The following CNTN4 variants were observed in gnomAD, a reference collection of about 807,000 sequenced individuals.
CNTN4 encodes the protein contactin-4.
A neutral mutation model predicts 122.5 loss-of-function variants in CNTN4; 77 were observed. The ratio of observed to expected loss-of-function variants is 0.63; its 90% CI spans 0.52 to 0.76. The LOEUF (loss-of-function observed/expected upper bound fraction) is 0.76, where lower values mean the gene tolerates loss of function less well. Among genes scored for constraint, CNTN4 ranks in the 30% least tolerant of loss-of-function variants. The pLI, the probability that CNTN4 is intolerant of heterozygous loss-of-function variation, is 0.00. For synonymous variants in CNTN4, 512 were observed against 447.0 expected, an observed-to-expected ratio of 1.15 and a Z score of -1.83; for missense variants, 1,256 against 1,259.1, an observed-to-expected ratio of 1.00 and a Z score of 0.04.
At chr3:2,882,787 T>G (rs1399777949) in intron 8 of CNTN4, 2 of 208,824 alleles carry the variant, frequency 9.6e-6, no homozygotes, top group African/African-American at 4.7e-5. Flanking sequence ...TCTTACAAAT[T>G]TTTCTGCAGT....
chr3:2,180,497 A>C (rs1002822018), intron 2 of CNTN4, among the ~76,000 whole-genome samples: 1 of 152,034 alleles, frequency 6.6e-6, no homozygotes, highest in African/African-American at 2.4e-5. Flanking sequence ...TTGCTCATTG[A>C]TAGGTCTAGT....
chr3:2,812,304 A>T lies in CNTN4; in HGVS notation c.359-7182A>T, dbSNP rs192663818. On this transcript the variant is annotated intron_variant, in intron 6 of 24. Transcript: ENST00000418658. ...AAAAAGGTAGACAAATATCAATTTT[A>T]CTGTTGTATAGAAACAATATTTTTA... Among the ~76,000 whole-genome samples, 650 of 152,340 alleles carry T rather than the reference A, an allele frequency of 4.3e-3. 2 individuals are homozygous for T. The highest frequency in any genetic ancestry group is 0.014 in the African/African-American group (598 of 41,582).
At chr3:2,720,387 G>T (rs1182639960) in intron 4 of CNTN4, among the ~76,000 whole-genome samples, 1 of 152,110 alleles carries the variant, frequency 6.6e-6, no homozygotes, top group Non-Finnish European at 1.5e-5. Flanking sequence ...ACTATTCTGA[G>T]CCTGAACATT....
intron 2 of CNTN4, among the ~76,000 whole-genome samples, chr3:2,128,176 G>A (rs555868955): frequency 1.6e-4 from 25 of 152,208 alleles, no homozygotes; most frequent in South Asian, 4.1e-4. Flanking sequence ...ATTTTTAACC[G>A]TCTGCCAGTT....
rs6770651 is a variant in CNTN4, at chr3:2,420,467, A to T, written c.-89+81234A>T. Among the ~76,000 whole-genome samples the T allele has an allele frequency of 5.3e-5, 8 of 151,876 alleles. No individual in the cohort carries two copies. In the East Asian group the frequency reaches 1.6e-3, roughly 30 times the overall value. On this transcript the variant is annotated intron_variant, in intron 3 of 24. Coordinates refer to ENST00000418658, the MANE Select transcript of CNTN4 (RefSeq NM_175607.3). ...TTTTTTTCCTTTGAGACAGAGTCTC[A>T]CTCTGTCCCCCAGGCTGGAGTCCAG...
chr3:2,289,686 C>A (rs895343083), intron 2 of CNTN4, among the ~76,000 whole-genome samples: 5 of 152,018 alleles, frequency 3.3e-5, no homozygotes, highest in African/African-American at 1.2e-4. Context: ...CTTCCCGCTT[C>A]CCCGTATAAA....
At chr3:2,927,421 T>C (rs1234641995) in intron 13 of CNTN4, 1 of 429,666 alleles carries the variant, frequency 2.3e-6, no homozygotes, top group African/African-American at 2.0e-5. Context: ...TTAAAGCCTC[T>C]ACTTAGAAGT....
At chr3:2,924,271 C>T (rs1559673239) in intron 12 of CNTN4, among the ~76,000 whole-genome samples, 1 of 152,078 alleles carries the variant, frequency 6.6e-6, no homozygotes, top group African/African-American at 2.4e-5. Context: ...ACATCATTAG[C>T]CTATGATTTA....
intron 14 of CNTN4, among the ~76,000 whole-genome samples, chr3:2,998,143 G>C (rs993491651): frequency 2.0e-5 from 3 of 152,148 alleles, no homozygotes; most frequent in African/African-American, 7.2e-5. Context: ...TCCACAGCAT[G>C]GGTAGAACAC....
intron 2 of CNTN4, among the ~76,000 whole-genome samples, chr3:2,170,396 G>A (rs1339505268): frequency 1.3e-5 from 2 of 152,034 alleles, no homozygotes; most frequent in East Asian, 3.9e-4. Flanking sequence ...AAAATTAGAA[G>A]TAAACTTAGG....
At chr3:2,403,532 G>A (rs1468898119) in intron 3 of CNTN4, among the ~76,000 whole-genome samples, 2 of 152,006 alleles carry the variant, frequency 1.3e-5, no homozygotes, top group Admixed American at 6.6e-5. Context: ...TAATCTCAAA[G>A]TACAAGAATA....
intron 3 of CNTN4, among the ~76,000 whole-genome samples, chr3:2,495,740 C>A (rs2076436169): frequency 6.6e-6 from 1 of 152,176 alleles, no homozygotes; most frequent in South Asian, 2.1e-4. Flanking sequence ...GGAACAGTTT[C>A]ATCTTGAAGC....
chr3:2,632,137 C>G (rs561718920), intron 4 of CNTN4, among the ~76,000 whole-genome samples: 2 of 151,998 alleles, frequency 1.3e-5, no homozygotes, highest in African/African-American at 4.8e-5. Context: ...TTATGTCTCT[C>G]CTGATCTGTA....
At chr3:2,770,361 A>C (rs1400041608) in intron 6 of CNTN4, among the ~76,000 whole-genome samples, 3 of 152,194 alleles carry the variant, frequency 2.0e-5, no homozygotes, top group Non-Finnish European at 4.4e-5. Flanking sequence ...CTTTGGAGGA[A>C]AATGTTAGAG....
Position 2,504,330 on chromosome 3 carries a change from C to T in CNTN4, c.-88-67086C>T, listed in dbSNP as rs545211321. ...CATTTTTCTACCATCTTCATGTTTT[C>T]TGGATCATATAGCTTTTGTGAATAG... On this transcript the variant is annotated intron_variant, in intron 3 of 24. Transcript: ENST00000418658. Among the ~76,000 whole-genome samples, 18 of 152,236 alleles carry T rather than the reference C, an allele frequency of 1.2e-4. No homozygotes were observed. The East Asian group carries it at 2.5e-3, about 21-fold the overall frequency.
At chr3:3,003,710 A>AAC (rs1559776137) in intron 14 of CNTN4, among the ~76,000 whole-genome samples, 2 of 145,760 alleles carry the variant, frequency 1.4e-5, no homozygotes, top group African/African-American at 5.5e-5. Context: ...AAAAAAAAAA[A>AAC]AAAACAAAAA....
At chr3:2,220,589 T>C (rs570101064) in intron 2 of CNTN4, among the ~76,000 whole-genome samples, 40 of 152,168 alleles carry the variant, frequency 2.6e-4, no homozygotes, top group South Asian at 6.2e-4. Flanking sequence ...CTTTCAGTTC[T>C]GTTTTACGTC....
At chr3:2,125,708 C>T (rs1244217761) in intron 2 of CNTN4, among the ~76,000 whole-genome samples, 1 of 151,794 alleles carries the variant, frequency 6.6e-6, no homozygotes, top group Non-Finnish European at 1.5e-5. Flanking sequence ...CAGGCGCCTG[C>T]CACCATGCCC....
chr3:2,634,598 A>G, intron 4 of CNTN4, among the ~76,000 whole-genome samples: 1 of 151,784 alleles, frequency 6.6e-6, no homozygotes, highest in Non-Finnish European at 1.5e-5. Context: ...GGGGAGGCCA[A>G]GGCAGGTGGG....
Sources: allele counts gnomAD v4.1 joint callset (sites outside exome capture counted in the v4.1 genomes callset), GRCh38; gene constraint gnomAD v4.1.1; transcripts MANE v1.5; gene names NCBI Gene and HGNC (gene_info 2026-07-23, HGNC 2026-07-21).